Variants in CNTNAP2 observed in about 807,000 individuals in gnomAD.
CNTNAP2 encodes the protein contactin-associated protein-like 2.
In CNTNAP2, 98 loss-of-function variants were observed where a neutral mutation model predicts 155.2. That is an observed-to-expected ratio of 0.63 (90% CI 0.54 to 0.75). The LOEUF (loss-of-function observed/expected upper bound fraction) is 0.75. Ranked by LOEUF, CNTNAP2 falls within the 30% of genes least tolerant of loss-of-function variation. CNTNAP2 has a pLI of 0.00. For synonymous variants in CNTNAP2, 651 were observed against 631.2 expected, an observed-to-expected ratio of 1.03 and a Z score of -0.47; for missense variants, 1,727 against 1,688.1, an observed-to-expected ratio of 1.02 and a Z score of -0.40.
chr7:147,398,859 CTAAT>C (rs1796866591), intron 10 of CNTNAP2, among the ~76,000 whole-genome samples: 1 of 150,640 alleles, frequency 6.6e-6, no homozygotes, highest in Non-Finnish European at 1.5e-5. Context: ...ATGACAAACT[CTAAT>C]TAAAAAGTAA....
At chr7:146,665,330 G>A (rs1295166042) in intron 1 of CNTNAP2, among the ~76,000 whole-genome samples, 1 of 152,080 alleles carries the variant, frequency 6.6e-6, no homozygotes, top group Admixed American at 6.5e-5. Context: ...ATTATTGATT[G>A]TTACAAAGAA....
intron 21 of CNTNAP2, among the ~76,000 whole-genome samples, chr7:148,299,354 A>G (rs1347962928): frequency 6.6e-6 from 1 of 152,184 alleles, no homozygotes; most frequent in East Asian, 1.9e-4. Flanking sequence ...AAGAAAAGGA[A>G]ACAGAGCTGG....
chr7:147,258,983 G>A (rs1329180980), intron 8 of CNTNAP2, among the ~76,000 whole-genome samples: 1 of 152,160 alleles, frequency 6.6e-6, no homozygotes, highest in Admixed American at 6.5e-5. Flanking sequence ...CATCCTATAT[G>A]AATAAAGCAG....
chr7:148,365,637 C>T (rs1798722902), intron 21 of CNTNAP2, among the ~76,000 whole-genome samples: 2 of 151,308 alleles, frequency 1.3e-5, no homozygotes, highest in African/African-American at 4.9e-5. Context: ...TGTACTCCAG[C>T]CTGGGCAAAA....
intron 1 of CNTNAP2, among the ~76,000 whole-genome samples, chr7:146,384,909 T>G (rs1795438915): frequency 6.6e-6 from 1 of 152,324 alleles, no homozygotes; most frequent in African/African-American, 2.4e-5. Context: ...TAATAATAAT[T>G]GAGGGCGGTA....
At chr7:147,348,379 A>G (rs1307789362) in intron 9 of CNTNAP2, among the ~76,000 whole-genome samples, 1 of 151,924 alleles carries the variant, frequency 6.6e-6, no homozygotes, top group African/African-American at 2.4e-5. Flanking sequence ...AAATAGCAAA[A>G]AAAAAAATGA....
At chr7:147,927,292 C>T (rs916313755) in intron 14 of CNTNAP2, among the ~76,000 whole-genome samples, 4 of 152,188 alleles carry the variant, frequency 2.6e-5, no homozygotes, top group Non-Finnish European at 4.4e-5. Flanking sequence ...AGATGACAGT[C>T]GCCACTTATG....
intron 17 of CNTNAP2, among the ~76,000 whole-genome samples, chr7:148,155,353 T>C (rs1227335600): frequency 6.6e-6 from 1 of 152,204 alleles, no homozygotes; most frequent in Non-Finnish European, 1.5e-5. Context: ...GAAGCCAGAA[T>C]GCAGTCGAGC....
At chr7:146,381,768 G>T (rs1349357098) in intron 1 of CNTNAP2, among the ~76,000 whole-genome samples, 1 of 152,084 alleles carries the variant, frequency 6.6e-6, no homozygotes, top group African/African-American at 2.4e-5. Context: ...GAAATCTCAG[G>T]GACAGAAGTA....
At chr7:147,706,516 C>T (rs1340090480) in intron 13 of CNTNAP2, among the ~76,000 whole-genome samples, 1 of 151,980 alleles carries the variant, frequency 6.6e-6, no homozygotes, top group African/African-American at 2.4e-5. Flanking sequence ...TAGGGGTTCC[C>T]TTATAAGTGA....
intron 15 of CNTNAP2, among the ~76,000 whole-genome samples, chr7:148,029,681 A>G (rs1195957058): frequency 6.6e-6 from 1 of 152,204 alleles, no homozygotes; most frequent in African/African-American, 2.4e-5. Flanking sequence ...ACCTGCGAAT[A>G]TAATACCTTG....
At chr7:148,004,334 T>C (rs1801940556) in intron 15 of CNTNAP2, among the ~76,000 whole-genome samples, 1 of 152,200 alleles carries the variant, frequency 6.6e-6, no homozygotes, top group African/African-American at 2.4e-5. Context: ...ATAAATCATA[T>C]AGGTGTAAAT....
intron 10 of CNTNAP2, among the ~76,000 whole-genome samples, chr7:147,465,071 G>A (rs149444123): frequency 4.9e-4 from 74 of 152,202 alleles, no homozygotes; most frequent in Non-Finnish European, 8.4e-4. Flanking sequence ...AAAATATCAC[G>A]TTCTCATTTA....
chr7:147,411,042 G>A (rs1797094146), intron 10 of CNTNAP2, among the ~76,000 whole-genome samples: 1 of 152,128 alleles, frequency 6.6e-6, no homozygotes, highest in Admixed American at 6.6e-5. Context: ...TTTTATCTCA[G>A]AGACAATGCA....
chr7:147,306,324 C>G (rs892337585), intron 9 of CNTNAP2, among the ~76,000 whole-genome samples: 4 of 152,100 alleles, frequency 2.6e-5, no homozygotes, highest in Non-Finnish European at 5.9e-5. Context: ...ATGTGGATAA[C>G]TAAAAGTTAG....
chr7:148,144,629 T>C (rs1805141182), intron 16 of CNTNAP2, among the ~76,000 whole-genome samples: 2 of 152,350 alleles, frequency 1.3e-5, no homozygotes, highest in Middle Eastern at 3.4e-3. Context: ...CAGTTCTTGA[T>C]ACTCATGGAA....
intron 1 of CNTNAP2, among the ~76,000 whole-genome samples, chr7:146,415,046 G>A (rs1371401322): frequency 2.0e-5 from 3 of 152,142 alleles, no homozygotes; most frequent in Non-Finnish European, 4.4e-5. Context: ...GAATGCCATC[G>A]GTTAATATTC....
chr7:146,490,451 T>G (rs190319518), intron 1 of CNTNAP2, among the ~76,000 whole-genome samples: 1 of 152,328 alleles, frequency 6.6e-6, no homozygotes, highest in Admixed American at 6.5e-5. Context: ...ACTGTGGGTT[T>G]GGATAAAATG....
chr7:147,513,077 A>C, intron 11 of CNTNAP2, among the ~76,000 whole-genome samples: 1 of 152,328 alleles, frequency 6.6e-6, no homozygotes, highest in Non-Finnish European at 1.5e-5. Flanking sequence ...CCAAGTAATA[A>C]GAGTAGGTCA....
Sources: allele counts gnomAD v4.1 joint callset (sites outside exome capture counted in the v4.1 genomes callset), GRCh38; gene constraint gnomAD v4.1.1; transcripts MANE v1.5; gene names NCBI Gene and HGNC (gene_info 2026-07-23, HGNC 2026-07-21).